CLNK: variants seen among roughly 807,000 people sequenced by gnomAD.
CLNK encodes the protein cytokine dependent hematopoietic cell linker.
CLNK carries 74 observed loss-of-function variants against 68.6 expected under a neutral mutation model. The observed-to-expected ratio is 1.08, with a 90% confidence interval of 0.89 to 1.31. The LOEUF (loss-of-function observed/expected upper bound fraction) is 1.31. Among genes scored for constraint, CLNK ranks in the 50% most tolerant of loss-of-function variants. The probability of loss-of-function intolerance (pLI) is 0.00; values close to 1 mark genes in which losing one functional copy is unlikely to be tolerated. For synonymous variants in CLNK, 198 were observed against 172.2 expected, an observed-to-expected ratio of 1.15 and a Z score of -1.17; for missense variants, 553 against 515.3, an observed-to-expected ratio of 1.07 and a Z score of -0.71.
intron 18 of CLNK, among the ~76,000 whole-genome samples, chr4:10,500,985 C>T (rs1717019191): frequency 6.6e-6 from 1 of 152,194 alleles, no homozygotes; most frequent in Non-Finnish European, 1.5e-5. Context: ...CTGGAAGCTT[C>T]CTGGGAGGCA....
chr4:10,560,724 G>GT (rs1038656046), intron 7 of CLNK, among the ~76,000 whole-genome samples: 21 of 152,262 alleles, frequency 1.4e-4, no homozygotes, highest in African/African-American at 4.6e-4. Context: ...GACTACAAGT[G>GT]TGAGCCATCA....
chr4:10,554,325 G>A (rs1278568097), intron 8 of CLNK, among the ~76,000 whole-genome samples: 1 of 152,198 alleles, frequency 6.6e-6, no homozygotes, highest in African/African-American at 2.4e-5. Context: ...GTAAAAGGCA[G>A]TTCTTGTACA....
the CLNK span, among the ~76,000 whole-genome samples, chr4:10,724,631 A>G: frequency 6.6e-6 from 1 of 152,156 alleles, no homozygotes; most frequent in East Asian, 1.9e-4. Context: ...AATAAATCAG[A>G]TGGGGCTTTA....
At chr4:10,708,682 G>A in the CLNK span, among the ~76,000 whole-genome samples, 3 of 152,174 alleles carry the variant, frequency 2.0e-5, no homozygotes, top group Non-Finnish European at 4.4e-5. Flanking sequence ...GGCACATCAT[G>A]GTCAGATTTT....
chr4:10,708,639 T>C, the CLNK span, among the ~76,000 whole-genome samples: 1 of 152,204 alleles, frequency 6.6e-6, no homozygotes, highest in African/African-American at 2.4e-5. Context: ...TTATCTTTTA[T>C]CCTATAGACC....
intron 15 of CLNK, among the ~76,000 whole-genome samples, chr4:10,513,965 G>C (rs1478782877): frequency 1.5e-5 from 2 of 137,278 alleles, no homozygotes; most frequent in Admixed American, 1.5e-4. Context: ...CCACTAACTC[G>C]TCATCTAGCA....
chr4:10,589,478 C>T (rs928998968), intron 3 of CLNK, among the ~76,000 whole-genome samples: 2 of 152,172 alleles, frequency 1.3e-5, no homozygotes, highest in Admixed American at 6.5e-5. Context: ...CGGGATTATG[C>T]ACCCTGGGGC....
chr4:10,515,362 T>C (rs186224622), intron 15 of CLNK, among the ~76,000 whole-genome samples: 1 of 152,278 alleles, frequency 6.6e-6, no homozygotes, highest in African/African-American at 2.4e-5. Flanking sequence ...CTGATTTCTC[T>C]CCCAATTGTC....
the CLNK span, among the ~76,000 whole-genome samples, chr4:10,693,484 A>C: frequency 6.6e-6 from 1 of 152,214 alleles, no homozygotes; most frequent in Admixed American, 6.5e-5. Context: ...GTATGTGGCC[A>C]CAAGCCAAGG....
At chr4:10,714,876 G>T in the CLNK span, among the ~76,000 whole-genome samples, 1 of 152,046 alleles carries the variant, frequency 6.6e-6, no homozygotes, top group Non-Finnish European at 1.5e-5. Flanking sequence ...AAAGAATGTT[G>T]AAAAATGCTG....
intron 8 of CLNK, 131 bp downstream of exon 8, chr4:10,558,276 C>T: frequency 1.4e-6 from 1 of 701,882 alleles, no homozygotes; most frequent in Non-Finnish European, 2.5e-6. Context: ...ATAGTTATTT[C>T]CTGAAGTGTA....
chr4:10,508,331 T>C (rs1717403114), intron 16 of CLNK, among the ~76,000 whole-genome samples: 1 of 152,168 alleles, frequency 6.6e-6, no homozygotes, highest in East Asian at 1.9e-4. Flanking sequence ...CTATCAGTGC[T>C]TTCTGAATCT....
intron 11 of CLNK, among the ~76,000 whole-genome samples, chr4:10,539,645 G>A (rs77710639): frequency 0.04 from 6,143 of 152,220 alleles, 317 homozygotes; most frequent in East Asian, 0.13. Context: ...TCTGTGATTA[G>A]CACCAGCTGC....
At chr4:10,638,555 G>A (rs1192452449) in intron 2 of CLNK, among the ~76,000 whole-genome samples, 1 of 152,122 alleles carries the variant, frequency 6.6e-6, no homozygotes, top group Non-Finnish European at 1.5e-5. Flanking sequence ...GTGTGACAGT[G>A]GTATATTAAT....
chr4:10,561,670 C>T lies in CLNK; in HGVS notation c.399+3001G>A, dbSNP rs527863155. On this transcript the variant is annotated intron_variant, in intron 7 of 18. Coordinates refer to ENST00000226951, the MANE Select transcript of CLNK (RefSeq NM_052964.4). ...TCTCATTTCCTGGCCACGCTTTATGCTCTGGTGATGAGTGCCCTGAAATGC... is the reference window on the plus strand; with the variant it reads ...TCTCATTTCCTGGCCACGCTTTATGTTCTGGTGATGAGTGCCCTGAAATGC... 9.8e-5 allele frequency among the ~76,000 whole-genome samples: 15 copies of T among 152,310 alleles called. No homozygotes were observed. In the South Asian group the frequency reaches 3.1e-3, roughly 32 times the overall value.
chr4:10,526,251 CTCAT>C lies in CLNK; in HGVS notation c.650-333_650-330del, dbSNP rs369141328. ...ATTTTAAAAGATTTTTAGCTTCCTC[CTCAT>C]TCATTCATTCATTTATATCATTCGA... On this transcript the variant is annotated intron_variant, in intron 13 of 18. Coordinates refer to ENST00000226951, the MANE Select transcript of CLNK (RefSeq NM_052964.4). 6.1e-3 allele frequency among the ~76,000 whole-genome samples: 923 copies of C among 152,236 alleles called. 3 individuals are homozygous for C. Among genetic ancestry groups the C allele is most frequent in the Middle Eastern group, 0.044 (13 of 294 alleles).
At chr4:10,576,764 C>A (rs529614812) in intron 4 of CLNK, among the ~76,000 whole-genome samples, 2 of 152,332 alleles carry the variant, frequency 1.3e-5, no homozygotes, top group South Asian at 4.1e-4. Flanking sequence ...CTTTTTTCCT[C>A]CAGCTCCTCT....
At chr4:10,679,162 A>C (rs926194966) in intron 1 of CLNK, among the ~76,000 whole-genome samples, 1 of 152,204 alleles carries the variant, frequency 6.6e-6, no homozygotes, top group Non-Finnish European at 1.5e-5. Context: ...TGGTACCAAA[A>C]CAGAGATATA....
At chr4:10,623,514 T>C (rs569703959) in intron 2 of CLNK, among the ~76,000 whole-genome samples, 20 of 152,338 alleles carry the variant, frequency 1.3e-4, no homozygotes, top group African/African-American at 4.6e-4. Context: ...GGAATGCCAG[T>C]ACATGTTTCT....
Sources: allele counts gnomAD v4.1 joint callset (sites outside exome capture counted in the v4.1 genomes callset), GRCh38; gene constraint gnomAD v4.1.1; transcripts MANE v1.5; gene names NCBI Gene and HGNC (gene_info 2026-07-23, HGNC 2026-07-21).